Variants in SLC12A7 observed in about 807,000 individuals in gnomAD.
SLC12A7 encodes the protein K-Cl cotransporter 4.
A neutral mutation model predicts 120.6 loss-of-function variants in SLC12A7; 100 were observed. The ratio of observed to expected loss-of-function variants is 0.83; its 90% CI spans 0.71 to 0.98. The LOEUF (loss-of-function observed/expected upper bound fraction) is 0.98. Among genes scored for constraint, SLC12A7 ranks in the 50% least tolerant of loss-of-function variants. The pLI is 0.00. For synonymous variants in SLC12A7, 760 were observed against 678.0 expected, an observed-to-expected ratio of 1.12 and a Z score of -1.88; for missense variants, 1,373 against 1,548.1, an observed-to-expected ratio of 0.89 and a Z score of 1.90.
At chr5:1,064,331 G>T in intron 18 of SLC12A7, 79 bp from the exon 19 acceptor site, 1 of 1,492,614 alleles carries the variant, frequency 6.7e-7, no homozygotes, top group Non-Finnish European at 8.9e-7. Flanking sequence ...CACAGCCAGT[G>T]CAGGGGCGGG....
At chr5:1,114,781 C>T (rs1259617351), upstream of SLC12A7, among the ~76,000 whole-genome samples, 2 of 152,112 alleles carry the variant, frequency 1.3e-5, no homozygotes, top group South Asian at 2.1e-4. Context: ...GAGGGAGCCA[C>T]GCACTGTCTG....
chr5:1,092,849 T>G (rs1020837785), intron 3 of SLC12A7, among the ~76,000 whole-genome samples: 1 of 152,134 alleles, frequency 6.6e-6, no homozygotes, highest in African/African-American at 2.4e-5. Context: ...AGCGAGGACC[T>G]AAGATCTCCC....
At position 1,056,160 on chromosome 5, in the gene SLC12A7, G is replaced by A. The variant is rs906971834; in HGVS notation, c.3026+1311C>T. Among the ~76,000 whole-genome samples the A allele has an allele frequency of 1.2e-4, 18 of 152,194 alleles. 1 individual carries two copies. Among genetic ancestry groups the A allele is most frequent in the South Asian group, 4.1e-4 (2 of 4,838 alleles). On this transcript the variant is annotated intron_variant, in intron 22 of 23. Coordinates refer to ENST00000264930, the MANE Select transcript of SLC12A7 (RefSeq NM_006598.3). ...AGAGAACTGATCTGCACCCCTCTCC[G>A]CCTGGAGGCTGGACAGCTTTAACAT...
chr5:1,098,136 AGCCCCCACAACCCTCTGCAAG>A, intron 1 of SLC12A7, among the ~76,000 whole-genome samples: 1 of 34,360 alleles, frequency 2.9e-5, no homozygotes, highest in Non-Finnish European at 5.1e-5. Flanking sequence ...CTGCAAGCCC[AGCCCCCACAACCCTCTGCAAG>A]CCCAGCCCCC....
At chr5:1,136,356 T>C in the SLC12A7 span, among the ~76,000 whole-genome samples, 1 of 148,552 alleles carries the variant, frequency 6.7e-6, no homozygotes, top group African/African-American at 2.5e-5. Flanking sequence ...ACACACGTGC[T>C]CAGACACCAA....
intron 1 of SLC12A7, among the ~76,000 whole-genome samples, chr5:1,097,034 C>T (rs1741335485): frequency 6.6e-6 from 1 of 152,156 alleles, no homozygotes; most frequent in Non-Finnish European, 1.5e-5. Flanking sequence ...CTCTTCCCCG[C>T]AGGAAGGGTG....
chr5:1,095,315 G>A (rs1247617028), intron 1 of SLC12A7, among the ~76,000 whole-genome samples: 1 of 152,228 alleles, frequency 6.6e-6, no homozygotes, highest in Non-Finnish European at 1.5e-5. Flanking sequence ...CTCGGCACAG[G>A]CCACTGCAGA....
chr5:1,075,538 C>CCA, intron 14 of SLC12A7, 48 bp from the exon 15 acceptor site: 1 of 1,579,028 alleles, frequency 6.3e-7, no homozygotes, highest in Non-Finnish European at 8.6e-7. Flanking sequence ...CATGCAGCCC[C>CCA]CACACCTCAG....
intron 21 of SLC12A7, among the ~76,000 whole-genome samples, chr5:1,058,440 A>G (rs2150782419): frequency 6.6e-6 from 1 of 152,290 alleles, no homozygotes; most frequent in East Asian, 1.9e-4. Context: ...TTATGCACAC[A>G]CTGGAATGGC....
At chr5:1,092,468 T>C (rs573277767) in intron 3 of SLC12A7, among the ~76,000 whole-genome samples, 2 of 152,346 alleles carry the variant, frequency 1.3e-5, no homozygotes, top group African/African-American at 2.4e-5. Flanking sequence ...CACTGGCCTC[T>C]ACCTGGCACT....
intron 22 of SLC12A7, among the ~76,000 whole-genome samples, chr5:1,055,330 C>G (rs1735496921): frequency 6.6e-6 from 1 of 152,254 alleles, no homozygotes; most frequent in Non-Finnish European, 1.5e-5. Context: ...GACGTGCACA[C>G]AGGCAGGTAC....
intron 22 of SLC12A7, among the ~76,000 whole-genome samples, chr5:1,054,439 G>A (rs573717209): frequency 7.0e-4 from 106 of 152,284 alleles, no homozygotes; most frequent in African/African-American, 1.5e-3. Flanking sequence ...TCTACCCCAC[G>A]GTCCCCTCCT....
At position 1,061,006 on chromosome 5, in the gene SLC12A7, T is replaced by C. The variant is rs1351121600; in HGVS notation, c.2740-555A>G. 2.3e-3 allele frequency among the ~76,000 whole-genome samples: 298 copies of C among 128,834 alleles called. 1 individual carries two copies. The highest frequency in any genetic ancestry group is 9.5e-3 in the African/African-American group (280 of 29,484). The allele number at this position is 128,834 out of a possible 152,430, so 84.5% of individuals were successfully genotyped here. A position where few individuals can be genotyped will look rare whatever the true frequency, so the allele number is the denominator to read the frequency against. ...CACCCACTGCACCTGCCGTGCAGGA[T>C]CCCTGAGTCTCACCCGCCGCACCCG... On this transcript the variant is annotated intron_variant, in intron 20 of 23. Coordinates refer to ENST00000264930, the MANE Select transcript of SLC12A7 (RefSeq NM_006598.3).
intron 1 of SLC12A7, among the ~76,000 whole-genome samples, chr5:1,100,599 G>A (rs780006890): frequency 1.3e-5 from 2 of 152,232 alleles, no homozygotes; most frequent in African/African-American, 2.4e-5. Context: ...GGAAGACGGC[G>A]CCCTCGGGGA....
chr5:1,069,261 T>C (rs1247889477), intron 17 of SLC12A7, among the ~76,000 whole-genome samples: 4 of 152,192 alleles, frequency 2.6e-5, no homozygotes, highest in Non-Finnish European at 5.9e-5. Context: ...CATGGGATCC[T>C]GGCCCTAGGC....
intron 12 of SLC12A7, among the ~76,000 whole-genome samples, chr5:1,077,024 C>A (rs1738427660): frequency 6.6e-6 from 1 of 151,960 alleles, no homozygotes; most frequent in Non-Finnish European, 1.5e-5. Context: ...TGTGCCTACG[C>A]CCGGCTTGCC....
the SLC12A7 span, among the ~76,000 whole-genome samples, chr5:1,133,497 G>C: frequency 6.6e-6 from 1 of 152,124 alleles, no homozygotes; most frequent in African/African-American, 2.4e-5. Flanking sequence ...TCTTTCCGTC[G>C]ACAGGACTTA....
In SLC12A7 at chr5:1,076,226, T is replaced by G. The variant is rs753036861; in HGVS notation, c.1759A>C (p.Met587Leu). The G allele has an allele frequency of 2.5e-6, 4 of 1,610,460 alleles. No homozygotes were observed. Among genetic ancestry groups the G allele is most frequent in the Non-Finnish European group, 3.4e-6 (4 of 1,178,986 alleles). ...VAPILSMFFL[M>L]CYLFVNLACA... The stretch of plus-strand genomic sequence containing the variant: ...GCCAGGTTCACGAACAGGTAGCACA[T>G]GAGGAAGAACCTGCAGGGACGGCCG... The change falls in exon 14 of 24, where the codon ATG (methionine) becomes CTG (leucine). Residue 587 changes from methionine to leucine, a missense_variant. Coordinates refer to ENST00000264930, the MANE Select transcript of SLC12A7 (RefSeq NM_006598.3).
rs569617697 is a variant in SLC12A7, at chr5:1,080,324, G to A, written c.1298-828C>T. Among the ~76,000 whole-genome samples the A allele has an allele frequency of 7.5e-3, 435 of 58,252 alleles. 26 individuals carry two copies. Among genetic ancestry groups the A allele is most frequent in the South Asian group, 0.032 (46 of 1,426 alleles). The allele number at this position is 58,252 out of a possible 152,430, so 38.2% of individuals were successfully genotyped here. On this transcript the variant is annotated intron_variant, in intron 9 of 23. Transcript: ENST00000264930. Reference sequence around the variant, plus strand: ...AGCCACGCAGAGGCTCTGCCCCCACGCCCTCCACCCACGGCGCGGAGCGCA... The same window carrying A: ...AGCCACGCAGAGGCTCTGCCCCCACACCCTCCACCCACGGCGCGGAGCGCA...
Sources: allele counts gnomAD v4.1 joint callset (sites outside exome capture counted in the v4.1 genomes callset), GRCh38; gene constraint gnomAD v4.1.1; transcripts MANE v1.5; gene names NCBI Gene and HGNC (gene_info 2026-07-23, HGNC 2026-07-21).